The following WSCD1 variants were observed in gnomAD, a reference collection of about 807,000 sequenced individuals.
WSCD1 encodes the protein sialate:O-sulfotransferase 1.
A neutral mutation model predicts 60.4 loss-of-function variants in WSCD1; 41 were observed. The observed-to-expected ratio is 0.68, with a 90% CI of 0.53 to 0.88. The LOEUF is 0.88. WSCD1 is among the 40% of genes least tolerant of loss of function. The pLI, the probability that WSCD1 is intolerant of heterozygous loss-of-function variation, is 0.00. For missense variants in WSCD1, 784 were observed against 796.2 expected (o/e 0.98, Z 0.18); for synonymous variants, 361 against 332.5 (o/e 1.09, Z -0.93).
At chr17:6,109,805 T>TG (rs1440847390) in intron 6 of WSCD1, 39 bp downstream of exon 6, 2 of 1,594,038 alleles carry the variant, frequency 1.3e-6, no homozygotes, top group Non-Finnish European at 1.7e-6. Context: ...GCATTTGGTC[T>TG]GGGGGGTGGG....
intron 5 of WSCD1, among the ~76,000 whole-genome samples, chr17:6,100,760 C>T (rs1186169188): frequency 6.6e-6 from 1 of 152,206 alleles, no homozygotes; most frequent in African/African-American, 2.4e-5. Flanking sequence ...CACACAGTCC[C>T]CACACATTGC....
At position 6,120,251 on chromosome 17, in the gene WSCD1, A is replaced by G. The variant is rs1437111983; in HGVS notation, c.1376-58A>G. On this transcript the variant is annotated intron_variant, in intron 8 of 8. Coordinates refer to ENST00000317744, the MANE Select transcript of WSCD1 (RefSeq NM_015253.2). ...CCCTCTCCCGAGCAGCCCCCCGGGGACCGGCAGCCCTGGCAGGGCCAGCCC... is the reference window on the plus strand; with the variant it reads ...CCCTCTCCCGAGCAGCCCCCCGGGGGCCGGCAGCCCTGGCAGGGCCAGCCC... 1.7e-5 allele frequency: 26 copies of G among 1,558,684 alleles called. No individual in the cohort carries two copies. In the East Asian group the frequency reaches 5.0e-4, roughly 30 times the overall value.
Position 6,117,910 on chromosome 17 carries a change from A to ACC in WSCD1, c.1175-76_1175-75dup, listed in dbSNP as rs1378968617. 4 of 1,476,292 alleles carry ACC rather than the reference A, an allele frequency of 2.7e-6. No homozygotes were observed. The African/African-American group carries it at 5.6e-5, about 21-fold the overall frequency. 91.4% of individuals were successfully genotyped at this position (1,476,292 alleles called of 1,614,324 possible). ...CTCTTATGCCCCTGATGCCAGCTTT[A>ACC]CCCAATCTGTCTGCTGCTATGGTAG... On this transcript the variant is annotated intron_variant, in intron 7 of 8. Transcript: ENST00000317744.
At chr17:6,102,195 C>G (rs1910848697) in intron 5 of WSCD1, among the ~76,000 whole-genome samples, 1 of 152,240 alleles carries the variant, frequency 6.6e-6, no homozygotes, top group Non-Finnish European at 1.5e-5. Context: ...TGGTGCTCAT[C>G]TAGCCACCTT....
chr17:6,073,719 C>G (rs1196805367), intron 1 of WSCD1, among the ~76,000 whole-genome samples: 1 of 152,238 alleles, frequency 6.6e-6, no homozygotes, highest in Non-Finnish European at 1.5e-5. Context: ...GGCTCCAAAT[C>G]AGGCACCAGG....
In WSCD1 at chr17:6,122,685, CTG is replaced by C. The variant is rs1364302309; in HGVS notation, c.*2025_*2026del. 6.6e-6 allele frequency: 1 copy of C among 152,490 alleles called. No homozygotes were observed. The highest frequency in any genetic ancestry group is 1.5e-5 in the Non-Finnish European group (1 of 68,318). 9.4% of individuals were successfully genotyped at this position (152,490 alleles called of 1,614,324 possible). On this transcript the variant is annotated 3_prime_UTR_variant, in exon 9 of 9. Transcript: ENST00000317744. ...AGTGTGGAGAGAGGAGTGACCGGGA[CTG>C]GAGCCAGGGTCTGGGGAGAGCAACA...
At chr17:6,117,692 C>T (rs981338523) in intron 7 of WSCD1, among the ~76,000 whole-genome samples, 8 of 152,336 alleles carry the variant, frequency 5.3e-5, no homozygotes, top group Non-Finnish European at 1.0e-4. Flanking sequence ...TCTGCAATGA[C>T]GGGTCTTCTG....
At chr17:6,098,439 C>T (rs1457288534) in intron 5 of WSCD1, among the ~76,000 whole-genome samples, 1 of 152,220 alleles carries the variant, frequency 6.6e-6, no homozygotes, top group Non-Finnish European at 1.5e-5. Flanking sequence ...GTGTCTTGTG[C>T]TATCACACAT....
At chr17:6,111,246 C>T (rs1911392113) in intron 7 of WSCD1, among the ~76,000 whole-genome samples, 1 of 152,174 alleles carries the variant, frequency 6.6e-6, no homozygotes, top group African/African-American at 2.4e-5. Flanking sequence ...GACTACACTA[C>T]TCCACCACCC....
chr17:6,085,372 G>A (rs538011051), intron 2 of WSCD1, among the ~76,000 whole-genome samples: 5 of 152,212 alleles, frequency 3.3e-5, no homozygotes, highest in African/African-American at 9.6e-5. Flanking sequence ...AAAAACAATC[G>A]CTGCTGAGTA....
At position 6,080,459 on chromosome 17, in the gene WSCD1, T is replaced by C. The variant is rs1909158451; in HGVS notation, c.-200T>C. 1 of 592,210 alleles carries C rather than the reference T, an allele frequency of 1.7e-6. No individual in the cohort carries two copies. The highest frequency in any genetic ancestry group is 2.9e-6 in the Non-Finnish European group (1 of 339,332). The allele number at this position is 592,210 out of a possible 1,614,324, so 36.7% of individuals were successfully genotyped here. Reference sequence around the variant, plus strand: ...CAGAGGCTGCAGCTGCAGGACCCTGTGGCCACTGGAGATAAGTAATGGTGC... The same window carrying C: ...CAGAGGCTGCAGCTGCAGGACCCTGCGGCCACTGGAGATAAGTAATGGTGC... On this transcript the variant is annotated 5_prime_UTR_variant, in exon 2 of 9. Coordinates refer to ENST00000317744, the MANE Select transcript of WSCD1 (RefSeq NM_015253.2). This position sits in a 1 kb window ranked among gnomAD's most constrained non-coding sequence, Gnocchi z 6.6.
rs925959471 is a variant in WSCD1 at position 6,101,944 on chromosome 17, T to G, written c.849+6721T>G. ...AATCTAACACCATCTGCAAATAGGTTACTAATGTGAGACACTCCACCGGCG... is the reference window on the plus strand; with the variant it reads ...AATCTAACACCATCTGCAAATAGGTGACTAATGTGAGACACTCCACCGGCG... On this transcript the variant is annotated intron_variant, in intron 5 of 8. Transcript: ENST00000317744. The surrounding 1 kb of genome is among the most constrained non-coding windows in gnomAD (Gnocchi z 4.1). 2.0e-5 allele frequency among the ~76,000 whole-genome samples: 3 copies of G among 152,220 alleles called. No homozygotes were observed. Among genetic ancestry groups the G allele is most frequent in the Non-Finnish European group, 2.9e-5 (2 of 68,038 alleles).
At chr17:6,103,284 A>G (rs1177242545) in intron 5 of WSCD1, among the ~76,000 whole-genome samples, 2 of 152,114 alleles carry the variant, frequency 1.3e-5, no homozygotes, top group South Asian at 2.1e-4. Flanking sequence ...AATGCTTATG[A>G]TCATTGTGAT....
intron 1 of WSCD1, among the ~76,000 whole-genome samples, chr17:6,072,956 C>T (rs990751148): frequency 3.9e-5 from 6 of 152,190 alleles, no homozygotes; most frequent in African/African-American, 1.4e-4. Flanking sequence ...ATACAGTGCA[C>T]CTGCTGGTAG....
chr17:6,095,592 G>A (rs774826983), intron 5 of WSCD1, among the ~76,000 whole-genome samples: 25 of 152,246 alleles, frequency 1.6e-4, no homozygotes, highest in Non-Finnish European at 2.9e-4. Flanking sequence ...TATTGGTGCT[G>A]ACGGTGTTGG....
intron 5 of WSCD1, among the ~76,000 whole-genome samples, chr17:6,099,129 T>C (rs989625745): frequency 3.3e-5 from 5 of 151,992 alleles, no homozygotes; most frequent in African/African-American, 1.2e-4. Context: ...ACAAGAGTTA[T>C]TAAGAAGTTA....
intron 1 of WSCD1, among the ~76,000 whole-genome samples, chr17:6,072,956 C>G (rs990751148): frequency 2.6e-5 from 4 of 152,190 alleles, no homozygotes; most frequent in African/African-American, 9.7e-5. Flanking sequence ...ATACAGTGCA[C>G]CTGCTGGTAG....
intron 2 of WSCD1, among the ~76,000 whole-genome samples, chr17:6,082,415 G>T (rs2150533449): frequency 6.6e-6 from 1 of 152,346 alleles, no homozygotes; most frequent in Non-Finnish European, 1.5e-5. Flanking sequence ...ACATCTCAAA[G>T]GACCCGCTGG....
intron 7 of WSCD1, among the ~76,000 whole-genome samples, chr17:6,112,149 T>A (rs1246147128): frequency 6.6e-6 from 1 of 152,050 alleles, no homozygotes; most frequent in Non-Finnish European, 1.5e-5. Flanking sequence ...AGCAACCTAA[T>A]GACGTACCTC....
Sources: gnomAD v4.1 joint callset for allele counts (sites outside exome capture counted in the v4.1 genomes callset) on GRCh38, gnomAD v4.1.1 for gene constraint, Gnocchi (gnomAD v3.1) non-coding constraint, MANE v1.5 for transcripts, NCBI Gene and HGNC (gene_info 2026-07-23, HGNC 2026-07-21) for gene names.